The following SHANK2 variants were observed in gnomAD, a reference collection of about 807,000 sequenced individuals.
SHANK2 encodes the protein SH3 and multiple ankyrin repeat domains protein 2.
A neutral mutation model predicts 133.7 loss-of-function variants in SHANK2; 43 were observed. That is an observed-to-expected ratio of 0.32 (90% CI 0.25 to 0.41). The LOEUF (loss-of-function observed/expected upper bound fraction) is 0.41. Among genes scored for constraint, SHANK2 ranks in the 10% least tolerant of loss-of-function variants. The pLI is 1.00. For synonymous variants in SHANK2, 1,017 were observed against 952.8 expected (o/e 1.07, Z -1.24); for missense variants, 1,994 against 2,235.8 (o/e 0.89, Z 2.18).
In SHANK2 at chr11:70,502,815, G is replaced by A. The variant is rs988622466; in HGVS notation, c.2178C>T (p.Asp726=). 15 of 1,608,894 alleles carry A rather than the reference G, an allele frequency of 9.3e-6. No homozygotes were observed. The highest frequency in any genetic ancestry group is 1.4e-5 in the African/African-American group (1 of 73,164). ...ATGTACCTTTCTTCCTGGCGGTGTC[G>A]TCGGGGTCCAGATTCCTGGTCACCG... is the stretch of plus-strand genomic sequence containing the variant. ...VVTVTRNLDP[D]DTARKKAPPP... The change falls in exon 18 of 26, where the codon GAC becomes GAT. Residue 726 remains aspartate (D), a synonymous_variant. Coordinates refer to ENST00000601538, the MANE Select transcript of SHANK2 (RefSeq NM_012309.5).
intron 17 of SHANK2, among the ~76,000 whole-genome samples, chr11:70,629,959 C>A (rs2060960138): frequency 6.6e-6 from 1 of 152,182 alleles, no homozygotes; most frequent in African/African-American, 2.4e-5. Context: ...CCCCTGGCTG[C>A]TAGGAGTGAC....
intron 14 of SHANK2, among the ~76,000 whole-genome samples, chr11:70,789,237 G>A (rs1555047386): frequency 6.6e-6 from 1 of 152,104 alleles, no homozygotes; most frequent in Non-Finnish European, 1.5e-5. Flanking sequence ...CCCATTAAGG[G>A]CAATTACGAG....
At chr11:70,917,379 G>A (rs1276971229) in intron 10 of SHANK2, among the ~76,000 whole-genome samples, 1 of 152,170 alleles carries the variant, frequency 6.6e-6, no homozygotes, top group African/African-American at 2.4e-5. Context: ...CTGGTGAGGA[G>A]AAAAAGGAAC....
intron 8 of SHANK2, among the ~76,000 whole-genome samples, chr11:71,081,726 C>A (rs1303135239): frequency 6.6e-6 from 1 of 152,178 alleles, no homozygotes; most frequent in Non-Finnish European, 1.5e-5. Flanking sequence ...AGAACCTTGC[C>A]AGGCCAGAGG....
Position 70,481,809 on chromosome 11 carries a change from G to A in SHANK2, c.4979+3505C>T, listed in dbSNP as rs751386. The stretch of plus-strand genomic sequence containing the variant: ...GTGAACTCAGGTGAGAGTTCTTAAG[G>A]CTCCCTCTGATCCTCAGATGATCAA... On this transcript the variant is annotated intron_variant, in intron 25 of 25. Coordinates refer to ENST00000601538, the MANE Select transcript of SHANK2 (RefSeq NM_012309.5). Among the ~76,000 whole-genome samples the A allele has an allele frequency of 7.1e-3, 1,076 of 152,352 alleles. 9 individuals are homozygous for A. The highest frequency in any genetic ancestry group is 0.024 in the African/African-American group (998 of 41,588).
chr11:71,162,247 A>C (rs1953036523), intron 2 of SHANK2, among the ~76,000 whole-genome samples: 1 of 152,240 alleles, frequency 6.6e-6, no homozygotes, highest in Non-Finnish European at 1.5e-5. Context: ...ATGGTGTGGC[A>C]TCTGGTGAGG....
chr11:71,140,576 G>A (rs1251178798), intron 3 of SHANK2, among the ~76,000 whole-genome samples: 3 of 152,340 alleles, frequency 2.0e-5, no homozygotes, highest in African/African-American at 7.2e-5. Flanking sequence ...TCCCTTCTAC[G>A]TGGCTGATGA....
At chr11:71,251,162 C>G (rs974768891) in intron 1 of SHANK2, among the ~76,000 whole-genome samples, 1 of 152,048 alleles carries the variant, frequency 6.6e-6, no homozygotes, top group Non-Finnish European at 1.5e-5. Flanking sequence ...CCCCGAGCCC[C>G]TTTAAAAGAT....
At chr11:70,593,614 C>G (rs1554988633) in intron 17 of SHANK2, among the ~76,000 whole-genome samples, 1 of 152,236 alleles carries the variant, frequency 6.6e-6, no homozygotes, top group East Asian at 1.9e-4. Context: ...CCAGGGAGCT[C>G]TGTCCACAAC....
rs572618177 is a variant in SHANK2, at chr11:70,612,934, C to T, written c.2061+46894G>A. Among the ~76,000 whole-genome samples the T allele has an allele frequency of 3.7e-4, 57 of 152,340 alleles. 1 individual carries two copies. In the South Asian group the frequency reaches 0.01, roughly 27 times the overall value. On this transcript the variant is annotated intron_variant, in intron 17 of 25. Transcript: ENST00000601538. Reference sequence around the variant, plus strand: ...TGGCATTCATTCATTCTCCCACCAGCGCACTGTACTCCACGTGTGAGCAAC... The same window carrying T: ...TGGCATTCATTCATTCTCCCACCAGTGCACTGTACTCCACGTGTGAGCAAC...
chr11:70,670,787 T>G (rs1460819317), intron 15 of SHANK2, among the ~76,000 whole-genome samples: 8 of 152,288 alleles, frequency 5.3e-5, no homozygotes, highest in African/African-American at 1.9e-4. Flanking sequence ...CCATTGCTGT[T>G]TCCAGGGCAG....
intron 17 of SHANK2, among the ~76,000 whole-genome samples, chr11:70,553,810 C>T (rs1241343299): frequency 6.6e-6 from 1 of 152,120 alleles, no homozygotes; most frequent in Non-Finnish European, 1.5e-5. Context: ...GTGATACATC[C>T]CTATATTAGT....
intron 11 of SHANK2, among the ~76,000 whole-genome samples, chr11:70,843,414 G>A (rs981988435): frequency 3.4e-5 from 5 of 148,194 alleles, no homozygotes; most frequent in Non-Finnish European, 5.9e-5. Context: ...GATGGCTGGC[G>A]CTGTAGACAG....
chr11:70,617,909 A>G (rs2060774463), intron 17 of SHANK2, among the ~76,000 whole-genome samples: 1 of 152,182 alleles, frequency 6.6e-6, no homozygotes, highest in African/African-American at 2.4e-5. Flanking sequence ...TAATGGGTGC[A>G]GCACACCAAC....
chr11:70,645,980 C>T (rs1354597558), intron 17 of SHANK2, among the ~76,000 whole-genome samples: 1 of 152,210 alleles, frequency 6.6e-6, no homozygotes, highest in Non-Finnish European at 1.5e-5. Context: ...GACACTAATG[C>T]CATCTCCTTC....
intron 25 of SHANK2, chr11:70,475,143 G>A (rs1452954675): frequency 6.6e-6 from 1 of 152,234 alleles, no homozygotes; most frequent in Non-Finnish European, 1.5e-5. Context: ...GGAGCTCAAT[G>A]GCTGACCAGT....
At chr11:71,250,548 G>A (rs1948160991) in intron 1 of SHANK2, among the ~76,000 whole-genome samples, 1 of 152,156 alleles carries the variant, frequency 6.6e-6, no homozygotes, top group South Asian at 2.1e-4. Flanking sequence ...CCAGATGGGG[G>A]CCGAGCTCGC....
chr11:71,116,671 T>C (rs1272981935), intron 4 of SHANK2, among the ~76,000 whole-genome samples: 3 of 152,236 alleles, frequency 2.0e-5, no homozygotes, highest in African/African-American at 7.2e-5. Context: ...TTTGACTGTG[T>C]GTCCCCTCCA....
intron 15 of SHANK2, among the ~76,000 whole-genome samples, chr11:70,683,576 G>A (rs897087623): frequency 2.0e-5 from 3 of 152,204 alleles, no homozygotes; most frequent in East Asian, 3.9e-4. Context: ...AGCGCTGGAG[G>A]CCAGAGGTGC....
Sources: allele counts gnomAD v4.1 joint callset (sites outside exome capture counted in the v4.1 genomes callset), GRCh38; gene constraint gnomAD v4.1.1; transcripts MANE v1.5; gene names NCBI Gene and HGNC (gene_info 2026-07-23, HGNC 2026-07-21).